Variants in LIMA1 observed in about 807,000 individuals in gnomAD.
LIMA1 encodes the protein LIM domain and actin-binding protein 1.
A neutral mutation model predicts 62.6 loss-of-function variants in LIMA1; 52 were observed. The ratio of observed to expected loss-of-function variants is 0.83; its 90% CI spans 0.67 to 1.05. LIMA1 has a LOEUF of 1.05. Among genes scored for constraint, LIMA1 ranks in the 50% least tolerant of loss-of-function variants. The probability of loss-of-function intolerance (pLI) is 0.00; values close to 1 mark genes in which losing one functional copy is unlikely to be tolerated. For synonymous variants in LIMA1, 302 were observed against 317.8 expected (o/e 0.95, Z 0.53); for missense variants, 780 against 902.2 (o/e 0.86, Z 1.74).
chr12:50,177,559 A>C lies in LIMA1; in HGVS notation c.1785T>G (p.Ala595=). The change falls in exon 11 of 11, where the codon GCT becomes GCG. Residue 595 remains alanine, a synonymous_variant. Coordinates refer to ENST00000341247, the MANE Select transcript of LIMA1 (RefSeq NM_016357.5). The part of the protein sequence containing the change: ...KERSRPFTVA[A]SFQSTSVKSP... ...TCTTGACAGAGGTGCTTTGAAATGA[A>C]GCTGCTACAGTGAATGGGCGGCTTC... 6.2e-7 allele frequency: 1 copy of C among 1,611,296 alleles called. No homozygotes were observed. The highest frequency in any genetic ancestry group is 8.5e-7 in the Non-Finnish European group (1 of 1,178,948).
intron 2 of LIMA1, among the ~76,000 whole-genome samples, chr12:50,246,813 C>T (rs1424211359): frequency 6.6e-6 from 1 of 152,200 alleles, no homozygotes; most frequent in Non-Finnish European, 1.5e-5. Flanking sequence ...TTAGACTCGA[C>T]TCATTCCACT....
intron 9 of LIMA1, among the ~76,000 whole-genome samples, 195 bp downstream of exon 9, chr12:50,192,257 G>A (rs925375347): frequency 2.6e-5 from 4 of 152,000 alleles, no homozygotes; most frequent in Admixed American, 6.6e-5. Flanking sequence ...GAGCCTTCTC[G>A]CTCCCGGGCC....
chr12:50,282,824 T>C (rs1942356058), intron 1 of LIMA1, among the ~76,000 whole-genome samples: 1 of 152,216 alleles, frequency 6.6e-6, no homozygotes, highest in South Asian at 2.1e-4. Context: ...CTTTAGTATG[T>C]GTAGCCAGGG....
chr12:50,232,043 C>CTTTTTTTTTTT (rs750844822), intron 2 of LIMA1, among the ~76,000 whole-genome samples: 1 of 83,486 alleles, frequency 1.2e-5, no homozygotes, highest in Non-Finnish European at 2.2e-5. Context: ...GAGTGCCCAG[C>CTTTTTTTTTTT]TTTTTTTTTT....
At chr12:50,200,983 C>A (rs1400793093) in intron 6 of LIMA1, 99 bp from the exon 7 acceptor site, 17 of 1,506,050 alleles carry the variant, frequency 1.1e-5, no homozygotes, top group Middle Eastern at 4.6e-4. Flanking sequence ...TTAAAAAATT[C>A]TTCTAAGAAG....
Position 50,177,376 on chromosome 12 carries a change from T to G in LIMA1, c.1968A>C (p.Lys656Asn). The change falls in exon 11 of 11, where the codon AAA (lysine) becomes AAC (asparagine). Residue 656 changes from lysine (K) to asparagine (N), a missense_variant. Transcript: ENST00000341247. ...TCTTCCCTGTCTCTCCTTTAGATTC[T>G]TTGTTTTGCCAGGTTGTTTTTCCCA... ...GNVGKTTWQN[K>N]ESKGETGKRS... The G allele has an allele frequency of 6.2e-7, 1 of 1,614,232 alleles. No individual in the cohort carries two copies. The highest frequency in any genetic ancestry group is 8.5e-7 in the Non-Finnish European group (1 of 1,180,036).
At chr12:50,235,399 G>A (rs1941677626) in intron 2 of LIMA1, among the ~76,000 whole-genome samples, 1 of 150,486 alleles carries the variant, frequency 6.6e-6, no homozygotes, top group Non-Finnish European at 1.5e-5. Flanking sequence ...CTGAGTAGCT[G>A]GGATTACAGG....
intron 1 of LIMA1, among the ~76,000 whole-genome samples, chr12:50,263,845 T>TAG (rs1285552114): frequency 1.1e-4 from 11 of 104,338 alleles, no homozygotes; most frequent in African/African-American, 4.5e-4. Context: ...TATATATATA[T>TAG]ATATATAGAG....
chr12:50,217,747 A>G, intron 4 of LIMA1: 1 of 327,054 alleles, frequency 3.1e-6, no homozygotes, highest in Non-Finnish European at 6.0e-6. Context: ...CATGACCTTG[A>G]TTCCTGACTA....
intron 2 of LIMA1, among the ~76,000 whole-genome samples, chr12:50,246,578 A>C (rs1016157907): frequency 6.6e-6 from 1 of 152,116 alleles, no homozygotes; most frequent in Non-Finnish European, 1.5e-5. Context: ...CTTTTTCTAA[A>C]ATACCGGTCT....
chr12:50,179,883 T>C (rs900028223), intron 10 of LIMA1, among the ~76,000 whole-genome samples: 2 of 151,574 alleles, frequency 1.3e-5, no homozygotes, highest in South Asian at 4.2e-4. Context: ...AAATTTTTCA[T>C]AGAGATGGGA....
intron 2 of LIMA1, chr12:50,233,999 C>T: frequency 2.6e-6 from 1 of 389,436 alleles, no homozygotes. Context: ...AATAGTGGCA[C>T]AGCTATAGTT....
At chr12:50,182,893 G>C (rs1200636003) in intron 9 of LIMA1, among the ~76,000 whole-genome samples, 1 of 152,112 alleles carries the variant, frequency 6.6e-6, no homozygotes, top group Non-Finnish European at 1.5e-5. Context: ...AATATTATAA[G>C]CTTTCACATG....
At chr12:50,193,544 T>TAC (rs1555204582) in intron 8 of LIMA1, among the ~76,000 whole-genome samples, 2 of 136,592 alleles carry the variant, frequency 1.5e-5, no homozygotes, top group Non-Finnish European at 3.1e-5. Context: ...GATATATATA[T>TAC]ACATATATAT....
rs1250581139 is a variant in LIMA1 at position 50,205,971 on chromosome 12, ACT to A, written c.715+11_715+12del. ...TCCTAAAGGACCTCATACACATGGAACTCTCTGCTTACCTGGGCCTATTTCCA... is the reference window on the plus strand; with the variant it reads ...TCCTAAAGGACCTCATACACATGGAACTCTGCTTACCTGGGCCTATTTCCA... On this transcript the variant is annotated intron_variant, in intron 5 of 10. Transcript: ENST00000341247. 4.4e-6 allele frequency: 7 copies of A among 1,603,402 alleles called. No individual in the cohort carries two copies. The highest frequency in any genetic ancestry group is 5.1e-6 in the Non-Finnish European group (6 of 1,171,774).
In LIMA1 at chr12:50,248,950, AAAG is replaced by A. The variant is rs550226605; in HGVS notation, c.-23-179_-23-177del. 1.9e-4 allele frequency among the ~76,000 whole-genome samples: 29 copies of A among 152,312 alleles called. No individual in the cohort carries two copies. In the East Asian group the frequency reaches 5.4e-3, roughly 28 times the overall value. On this transcript the variant is annotated intron_variant, in intron 1 of 10. Coordinates refer to ENST00000341247, the MANE Select transcript of LIMA1 (RefSeq NM_016357.5). The stretch of plus-strand genomic sequence containing the variant: ...TATCTTTGGGTTGTGGTTTCTTATA[AAAG>A]GAGGCTACACCAGATGACCTTTAAG...
intron 1 of LIMA1, among the ~76,000 whole-genome samples, chr12:50,257,525 CCT>C (rs1942012403): frequency 6.6e-6 from 1 of 152,170 alleles, no homozygotes; most frequent in Non-Finnish European, 1.5e-5. Flanking sequence ...ATAATTGATA[CCT>C]GTTAACAGTA....
At chr12:50,227,751 C>T (rs1396424984) in intron 3 of LIMA1, among the ~76,000 whole-genome samples, 2 of 152,162 alleles carry the variant, frequency 1.3e-5, no homozygotes, top group Non-Finnish European at 2.9e-5. Context: ...GAGTCAGGCA[C>T]TGCCTCTTCT....
intron 5 of LIMA1, among the ~76,000 whole-genome samples, 186 bp downstream of exon 5, chr12:50,205,794 CAAAA>C (rs5798132): frequency 1.2e-5 from 1 of 80,156 alleles, no homozygotes. Flanking sequence ...ACTTCCGTCT[CAAAA>C]AAAAAAAAAA....
Sources: allele counts gnomAD v4.1 joint callset (sites outside exome capture counted in the v4.1 genomes callset), GRCh38; gene constraint gnomAD v4.1.1; transcripts MANE v1.5; gene names NCBI Gene and HGNC (gene_info 2026-07-23, HGNC 2026-07-21).